CIITA: variants seen among roughly 807,000 people sequenced by gnomAD.
CIITA encodes class II major histocompatibility complex transactivator.
Under a neutral mutation model 115.1 loss-of-function variants are expected in CIITA, and 72 were observed. That is an observed-to-expected ratio of 0.63 (90% CI 0.52 to 0.76). The LOEUF (loss-of-function observed/expected upper bound fraction) is 0.76. CIITA is among the 30% of genes least tolerant of loss of function. The pLI is 0.00. For missense variants in CIITA, 1,617 were observed against 1,463.8 expected (o/e 1.10, Z -1.71); for synonymous variants, 763 against 635.6 (o/e 1.20, Z -3.02).
At chr16:10,876,154 C>T (rs552079231), upstream of CIITA, among the ~76,000 whole-genome samples, 3 of 151,556 alleles carry the variant, frequency 2.0e-5, no homozygotes, top group African/African-American at 4.8e-5. Context: ...GAAACTCCGT[C>T]TAAAAAAAAA....
chr16:10,880,701 G>A (rs1468190332), intron 1 of CIITA, among the ~76,000 whole-genome samples: 1 of 152,178 alleles, frequency 6.6e-6, no homozygotes, highest in African/African-American at 2.4e-5. Flanking sequence ...CTTGAGAAGA[G>A]CAGAATCAGA....
chr16:10,878,617 T>A (rs1411170814), intron 1 of CIITA, among the ~76,000 whole-genome samples: 1 of 152,186 alleles, frequency 6.6e-6, no homozygotes, highest in African/African-American at 2.4e-5. Context: ...CTTTCACGGT[T>A]GGACTGAGTT....
intron 1 of CIITA, among the ~76,000 whole-genome samples, chr16:10,880,291 G>T (rs565469338): frequency 6.6e-6 from 1 of 152,226 alleles, no homozygotes; most frequent in African/African-American, 2.4e-5. Flanking sequence ...CCCCAGGCCC[G>T]GTTGGCTAGG....
chr16:10,893,748 G>T (rs1290008275), intron 1 of CIITA, among the ~76,000 whole-genome samples: 2 of 139,612 alleles, frequency 1.4e-5, no homozygotes, highest in African/African-American at 5.4e-5. Flanking sequence ...GGCAGACGTT[G>T]CAGTGAGCCA....
Position 10,942,130 on chromosome 16 carries a change from C to T in CIITA, n.1256C>T, listed in dbSNP as rs2041110961. The T allele has an allele frequency of 1.4e-6, 1 of 699,172 alleles. No individual in the cohort carries two copies. Among genetic ancestry groups the T allele is most frequent in the Non-Finnish European group, 2.1e-6 (1 of 478,782 alleles). 43.3% of individuals were successfully genotyped at this position (699,172 alleles called of 1,614,324 possible). On this transcript the variant is annotated non_coding_transcript_exon_variant, in exon 2 of 2. Transcript: ENST00000573379. This position sits in a 1 kb window ranked among gnomAD's most constrained non-coding sequence, Gnocchi z 5.0. ...CCCTGGAGCCCGACAGAAGCAGGGC[C>T]GGGCTCCAGATGTCCCCTGGCAATT... is the stretch of plus-strand genomic sequence containing the variant.
In CIITA at chr16:10,933,457, G is replaced by T. The variant is rs903458253; in HGVS notation, c.*9602G>T. ...GCAAATGCTGTGAGATCTGCATTTAGCCTGTCTGTGCTGATTGTGGTTCTG... is the reference window on the plus strand; with the variant it reads ...GCAAATGCTGTGAGATCTGCATTTATCCTGTCTGTGCTGATTGTGGTTCTG... On this transcript the variant is annotated 3_prime_UTR_variant, in exon 20 of 20. Coordinates refer to ENST00000324288, the MANE Select transcript of CIITA (RefSeq NM_000246.4). 2 of 152,208 alleles carry T rather than the reference G, an allele frequency of 1.3e-5. No homozygotes were observed. The highest frequency in any genetic ancestry group is 4.8e-5 in the African/African-American group (2 of 41,424). 9.4% of individuals were successfully genotyped at this position (152,208 alleles called of 1,614,324 possible).
At chr16:10,909,358 G>A (rs912451868) in intron 12 of CIITA, among the ~76,000 whole-genome samples, 171 bp downstream of exon 12, 2 of 152,246 alleles carry the variant, frequency 1.3e-5, no homozygotes, top group African/African-American at 4.8e-5. Context: ...TCGCTGCCCA[G>A]GCGGAGCCTC....
rs530695023 is a variant in CIITA, at chr16:10,925,108, G to C, written c.*1253G>C. 1 of 152,294 alleles carries C rather than the reference G, an allele frequency of 6.6e-6. No individual in the cohort carries two copies. Among genetic ancestry groups the C allele is most frequent in the Non-Finnish European group, 1.5e-5 (1 of 68,118 alleles). The allele number at this position is 152,294 out of a possible 1,614,324, so 9.4% of individuals were successfully genotyped here. A position where few individuals can be genotyped will look rare whatever the true frequency, so the allele number is the denominator to read the frequency against. On this transcript the variant is annotated 3_prime_UTR_variant, in exon 20 of 20. Transcript: ENST00000324288. ...CACCTGAAGACTCATTCTTCTGTAC[G>C]TCTGACAGGCAATGCTGGCTGTTGG...
intron 10 of CIITA, among the ~76,000 whole-genome samples, chr16:10,905,425 T>C (rs1169413088): frequency 1.3e-5 from 2 of 151,740 alleles, no homozygotes; most frequent in Admixed American, 6.6e-5. Flanking sequence ...GGTGAGTGAG[T>C]AGTGATCAAG....
At chr16:10,908,200 C>T (rs755605981) in intron 11 of CIITA, 51 bp downstream of exon 11, 43 of 1,545,984 alleles carry the variant, frequency 2.8e-5, no homozygotes, top group South Asian at 9.5e-5. Context: ...GCATTAACTG[C>T]GGTCTTGGTG....
At position 10,895,655 on chromosome 16, in the gene CIITA, A is replaced by G; in HGVS notation, c.200-14A>G. 1 of 1,613,872 alleles carries G rather than the reference A, an allele frequency of 6.2e-7. No individual in the cohort carries two copies. The highest frequency in any genetic ancestry group is 8.5e-7 in the Non-Finnish European group (1 of 1,179,938). On this transcript the variant is annotated splice_polypyrimidine_tract_variant and intron_variant, in intron 2 of 19. Transcript: ENST00000324288. ...AGAAATTTCCTTCTTCATCCAAGGG[A>G]CTTTTCCTCCCAGAACCCGACACAG... is the stretch of plus-strand genomic sequence containing the variant.
rs991217732 is a variant in CIITA at position 10,942,461 on chromosome 16, T to C, written n.1587T>C. The C allele has an allele frequency of 6.5e-6, 1 of 152,742 alleles. No homozygotes were observed. The highest frequency in any genetic ancestry group is 1.5e-5 in the Non-Finnish European group (1 of 68,500). 9.5% of individuals were successfully genotyped at this position (152,742 alleles called of 1,614,324 possible). A position where few individuals can be genotyped will look rare whatever the true frequency, so the allele number is the denominator to read the frequency against. On this transcript the variant is annotated non_coding_transcript_exon_variant, in exon 2 of 2. Transcript: ENST00000573379. This position sits in a 1 kb window ranked among gnomAD's most constrained non-coding sequence, Gnocchi z 5.0. ...TGCGGCCGCCGCGTAGCCCTCCCGG[T>C]GGCGCTCGGAGCTCCGCCTCCCGAG...
At chr16:10,894,767 C>T (rs949221944) in intron 1 of CIITA, among the ~76,000 whole-genome samples, 6 of 152,216 alleles carry the variant, frequency 3.9e-5, no homozygotes, top group African/African-American at 1.4e-4. Context: ...AAATGCAGGA[C>T]TTCAGTCAGA....
chr16:10,868,443 A>C (rs1333804949), intron 1 of CIITA, among the ~76,000 whole-genome samples: 1 of 152,192 alleles, frequency 6.6e-6, no homozygotes, highest in Non-Finnish European at 1.5e-5. Context: ...ACATTTCTAC[A>C]GGGCTGGTTC....
rs1057457901 is a variant in CIITA at position 10,935,531 on chromosome 16, A to T, written c.*11676A>T. The stretch of plus-strand genomic sequence containing the variant: ...CATTTTTTAAAAAATAAATTCACAT[A>T]AAAAAGTAGTTTTACAGATGAAGCA... On this transcript the variant is annotated 3_prime_UTR_variant, in exon 20 of 20. Transcript: ENST00000324288. The T allele has an allele frequency of 6.6e-6, 1 of 152,256 alleles. No homozygotes were observed. The highest frequency in any genetic ancestry group is 1.5e-5 in the Non-Finnish European group (1 of 68,048). The allele number at this position is 152,256 out of a possible 1,614,324, so 9.4% of individuals were successfully genotyped here. A position where few individuals can be genotyped will look rare whatever the true frequency, so the allele number is the denominator to read the frequency against.
Position 10,923,362 on chromosome 16 carries a change from G to T in CIITA, c.*22+37G>T. On this transcript the variant is annotated intron_variant, in intron 19 of 19. Coordinates refer to ENST00000324288, the MANE Select transcript of CIITA (RefSeq NM_000246.4). This position sits in a 1 kb window ranked among gnomAD's most constrained non-coding sequence, Gnocchi z 5.2. ...GGGCTTGGGAGGGGAGAGCCGCAGT[G>T]GGTTGGGGGCAGTGTCCTTGTGAAG... 1 of 1,489,386 alleles carries T rather than the reference G, an allele frequency of 6.7e-7. No individual in the cohort carries two copies. The highest frequency in any genetic ancestry group is 1.7e-5 in the Admixed American group (1 of 59,876). 92.3% of individuals were successfully genotyped at this position (1,489,386 alleles called of 1,614,324 possible). A position where few individuals can be genotyped will look rare whatever the true frequency, so the allele number is the denominator to read the frequency against.
Position 10,923,211 on chromosome 16 carries a change from C to T in CIITA, c.3318-17C>T. ...TCTCTCCTCTAACCTGGCTCTGAGTCCCATCCCCCCTTGCAGGATGTGGAC... is the reference window on the plus strand; with the variant it reads ...TCTCTCCTCTAACCTGGCTCTGAGTTCCATCCCCCCTTGCAGGATGTGGAC... On this transcript the variant is annotated splice_polypyrimidine_tract_variant and intron_variant, in intron 18 of 19. Transcript: ENST00000324288. This position sits in a 1 kb window ranked among gnomAD's most constrained non-coding sequence, Gnocchi z 5.2. 1 of 1,611,690 alleles carries T rather than the reference C, an allele frequency of 6.2e-7. No homozygotes were observed. Among genetic ancestry groups the T allele is most frequent in the Non-Finnish European group, 8.5e-7 (1 of 1,179,494 alleles).
rs377598648 is a variant in CIITA, at chr16:10,903,829, G to A, written c.871G>A (p.Ala291Thr). 17 of 1,614,012 alleles carry A rather than the reference G, an allele frequency of 1.1e-5. No individual in the cohort carries two copies. The highest frequency in any genetic ancestry group is 5.5e-5 in the South Asian group (5 of 91,092). ...PDRPGSTSPF[A>T]PSATDLPSMP... The stretch of plus-strand genomic sequence containing the variant: ...CCGGCCAGGCTCCACCAGCCCCTTC[G>A]CTCCATCAGCCACTGACCTGCCCAG... Residue 291 changes from alanine to threonine, a missense_variant, in exon 9 of 20, where the codon GCT becomes ACT. Coordinates refer to ENST00000324288, the MANE Select transcript of CIITA (RefSeq NM_000246.4).
Position 10,942,052 on chromosome 16 carries a change from C to T in CIITA, n.1178C>T, listed in dbSNP as rs954041957. On this transcript the variant is annotated non_coding_transcript_exon_variant, in exon 2 of 2. Transcript: ENST00000573379. The surrounding 1 kb of genome is among the most constrained non-coding windows in gnomAD (Gnocchi z 5.0). ...GGCCCGGCGATCCCGGCGAACTCAG[C>T]CGCTGCGGCGCCCGGGCGGCCGGCG... 1.5e-6 allele frequency: 2 copies of T among 1,336,150 alleles called. No individual in the cohort carries two copies. Among genetic ancestry groups the T allele is most frequent in the Non-Finnish European group, 1.9e-6 (2 of 1,046,246 alleles). The allele number at this position is 1,336,150 out of a possible 1,614,324, so 82.8% of individuals were successfully genotyped here.
Sources: allele counts gnomAD v4.1 joint callset (sites outside exome capture counted in the v4.1 genomes callset), GRCh38; gene constraint gnomAD v4.1.1; non-coding constraint Gnocchi (gnomAD v3.1); transcripts MANE v1.5; gene names NCBI Gene and HGNC (gene_info 2026-07-23, HGNC 2026-07-21).